The following PCDH15 variants were observed in gnomAD, a reference collection of about 807,000 sequenced individuals.
The protein encoded by PCDH15 is protocadherin-15.
A neutral mutation model predicts 178.5 loss-of-function variants in PCDH15; 129 were observed. That is an observed-to-expected ratio of 0.72 (90% CI 0.63 to 0.84). The LOEUF (loss-of-function observed/expected upper bound fraction) is 0.84. Ranked by LOEUF, PCDH15 falls within the 40% of genes least tolerant of loss-of-function variation. The probability of loss-of-function intolerance (pLI) is 0.00; values close to 1 mark genes in which losing one functional copy is unlikely to be tolerated. For synonymous variants in PCDH15, 800 were observed against 732.0 expected (o/e 1.09, Z -1.50); for missense variants, 2,230 against 2,099.9 (o/e 1.06, Z -1.21).
At chr10:55,545,191 C>G (rs35531118) in intron 2 of PCDH15, among the ~76,000 whole-genome samples, 6,755 of 151,834 alleles carry the variant, frequency 0.044, 405 homozygotes, top group East Asian at 0.31. Context: ...CTGTCTAAAT[C>G]TGTGTCACTC....
chr10:54,688,362 T>G (rs2095053576), intron 1 of PCDH15, among the ~76,000 whole-genome samples: 1 of 152,118 alleles, frequency 6.6e-6, no homozygotes, highest in Non-Finnish European at 1.5e-5. Flanking sequence ...ATTGCTATTA[T>G]GTTAAAACAC....
chr10:54,162,921 G>A (rs2045857184), intron 13 of PCDH15, among the ~76,000 whole-genome samples: 1 of 152,030 alleles, frequency 6.6e-6, no homozygotes, highest in Admixed American at 6.6e-5. Flanking sequence ...GTATGACAGA[G>A]TCGATTTTTC....
At position 54,969,955 on chromosome 10, in the gene PCDH15, G is replaced by A. The variant is rs188685407; in HGVS notation, c.-79-72455C>T. Among the ~76,000 whole-genome samples the A allele has an allele frequency of 1.4e-3, 206 of 152,172 alleles. 2 individuals carry two copies. Among genetic ancestry groups the A allele is most frequent in the Non-Finnish European group, 2.1e-4 (14 of 67,980 alleles). On this transcript the variant is annotated intron_variant, in intron 2 of 5. Transcript: ENST00000458638. ...TTGAAGAAATTTTTGTTGTCTTTTT[G>A]CAAGCCTTCCTATGGTTTGAATACT...
At chr10:54,055,965 T>A (rs189995933) in intron 18 of PCDH15, among the ~76,000 whole-genome samples, 2 of 152,328 alleles carry the variant, frequency 1.3e-5, no homozygotes, top group East Asian at 1.9e-4. Context: ...CTACTTCTGA[T>A]GACATCAGGT....
chr10:55,330,656 T>C (rs1431786772), intron 2 of PCDH15, among the ~76,000 whole-genome samples: 3 of 151,938 alleles, frequency 2.0e-5, no homozygotes, highest in Non-Finnish European at 4.4e-5. Context: ...AATGACCATG[T>C]AGATACTTTA....
At position 53,853,292 on chromosome 10, in the gene PCDH15, T is replaced by G. The variant is rs555843369; in HGVS notation, c.3806+3883A>C. Among the ~76,000 whole-genome samples the G allele has an allele frequency of 5.9e-5, 9 of 151,718 alleles. No individual in the cohort carries two copies. The South Asian group carries it at 1.7e-3, about 28-fold the overall frequency. ...TCAAAATGGATTAAAGATCTAAATA[T>G]AAGACCTCCAAACCATAAAATGCCT... On this transcript the variant is annotated intron_variant, in intron 28 of 37. Transcript: ENST00000644397.
At chr10:54,764,758 G>A (rs1176832793) in intron 1 of PCDH15, among the ~76,000 whole-genome samples, 1 of 152,076 alleles carries the variant, frequency 6.6e-6, no homozygotes, top group Non-Finnish European at 1.5e-5. Flanking sequence ...ATATGTCAGG[G>A]AAGTGAAGAC....
At chr10:55,489,043 T>C (rs1211424520) in intron 2 of PCDH15, among the ~76,000 whole-genome samples, 1 of 151,544 alleles carries the variant, frequency 6.6e-6, no homozygotes, top group East Asian at 1.9e-4. Context: ...TATTATGATT[T>C]AATTATAAAA....
At chr10:54,371,634 A>G (rs1337882772) in intron 4 of PCDH15, among the ~76,000 whole-genome samples, 1 of 151,846 alleles carries the variant, frequency 6.6e-6, no homozygotes, top group Non-Finnish European at 1.5e-5. Context: ...TTTGCACCAA[A>G]TAATTATGTG....
At chr10:53,869,504 G>A (rs2079680839) in intron 26 of PCDH15, among the ~76,000 whole-genome samples, 1 of 152,060 alleles carries the variant, frequency 6.6e-6, no homozygotes, top group Admixed American at 6.6e-5. Context: ...TATTAACATG[G>A]ATATTTCTAT....
chr10:54,311,547 T>C (rs1284690410), intron 8 of PCDH15, among the ~76,000 whole-genome samples: 2 of 152,052 alleles, frequency 1.3e-5, no homozygotes, highest in African/African-American at 2.4e-5. Flanking sequence ...TAAACATACA[T>C]AATAATATAT....
At chr10:54,171,973 A>T (rs939358720) in intron 13 of PCDH15, among the ~76,000 whole-genome samples, 2 of 150,712 alleles carry the variant, frequency 1.3e-5, no homozygotes, top group Non-Finnish European at 3.0e-5. Flanking sequence ...TTCTCTCTCC[A>T]TACCACCCCC....
intron 1 of PCDH15, among the ~76,000 whole-genome samples, chr10:55,290,182 T>G (rs912809676): frequency 6.6e-6 from 1 of 151,924 alleles, no homozygotes; most frequent in Non-Finnish European, 1.5e-5. Context: ...AAACCGTACA[T>G]GTTTGTGTGA....
intron 1 of PCDH15, among the ~76,000 whole-genome samples, chr10:54,784,379 G>C (rs949114651): frequency 6.6e-6 from 1 of 150,466 alleles, no homozygotes; most frequent in East Asian, 1.9e-4. Flanking sequence ...ACATGTAGGG[G>C]AATTTTTACC....
At chr10:54,383,504 C>G (rs2135147976) in intron 3 of PCDH15, among the ~76,000 whole-genome samples, 1 of 152,076 alleles carries the variant, frequency 6.6e-6, no homozygotes, top group South Asian at 2.1e-4. Flanking sequence ...ATTTAATTAT[C>G]AGACTGGTGT....
chr10:55,511,055 T>A (rs4935596), intron 2 of PCDH15, among the ~76,000 whole-genome samples: 1 of 150,224 alleles, frequency 6.7e-6, no homozygotes, highest in Non-Finnish European at 1.5e-5. Flanking sequence ...TTGTTTGTTT[T>A]TTTTTTTAGA....
intron 23 of PCDH15, among the ~76,000 whole-genome samples, chr10:53,959,400 C>T (rs918129562): frequency 2.6e-5 from 4 of 151,752 alleles, no homozygotes; most frequent in Admixed American, 6.6e-5. Flanking sequence ...AAATGTTCCA[C>T]CTGGCAATAA....
rs188988223 is a variant in PCDH15 at position 55,119,902 on chromosome 10, G to A, written c.-80+46674C>T. Reference sequence around the variant, plus strand: ...ATATGTGTGTGGCTTTGTTAGCTAAGATGAAGAATTTGGATTATTTTTAAA... The same window carrying A: ...ATATGTGTGTGGCTTTGTTAGCTAAAATGAAGAATTTGGATTATTTTTAAA... On this transcript the variant is annotated intron_variant, in intron 2 of 5. Coordinates refer to the PCDH15 transcript ENST00000458638. 3.3e-4 allele frequency among the ~76,000 whole-genome samples: 50 copies of A among 152,218 alleles called. No homozygotes were observed. In the East Asian group the frequency reaches 9.7e-3, roughly 29 times the overall value.
intron 8 of PCDH15, among the ~76,000 whole-genome samples, chr10:54,242,179 T>TACACACAC (rs1406194835): frequency 2.4e-5 from 2 of 82,446 alleles, no homozygotes; most frequent in African/African-American, 1.1e-4. Context: ...TATATATATA[T>TACACACAC]ATATATATAC....
Sources: gnomAD v4.1 joint callset for allele counts (sites outside exome capture counted in the v4.1 genomes callset) on GRCh38, gnomAD v4.1.1 for gene constraint, MANE v1.5 for transcripts, NCBI Gene and HGNC (gene_info 2026-07-23, HGNC 2026-07-21) for gene names.